Variants in EPHA10 observed in about 807,000 individuals in gnomAD.
The protein encoded by EPHA10 is ephrin type-A receptor 10.
In EPHA10, 120 loss-of-function variants were observed where a neutral mutation model predicts 109.7. The ratio of observed to expected loss-of-function variants is 1.09; its 90% CI spans 0.94 to 1.27. The LOEUF is 1.27. EPHA10 is among the 50% of genes most tolerant of loss of function. EPHA10 has a pLI of 0.00. For synonymous variants in EPHA10, 640 were observed against 618.9 expected (o/e 1.03, Z -0.51); for missense variants, 1,396 against 1,411.1 (o/e 0.99, Z 0.17).
At position 37,761,656 on chromosome 1, in the gene EPHA10, G is replaced by C; in HGVS notation, c.599C>G (p.Ala200Gly). 1 of 1,608,264 alleles carries C rather than the reference G, an allele frequency of 6.2e-7. No individual in the cohort carries two copies. The highest frequency in any genetic ancestry group is 8.5e-7 in the Non-Finnish European group (1 of 1,179,828). Reference protein sequence around the residue: ...LAFQDVGACVALVSVRVYYKQ... With the variant: ...LAFQDVGACVGLVSVRVYYKQ... ...GTAGTAGACGCGCACCGAGACAAGC[G>C]CCACGCATGCGCCCACGTCCTGAAA... The change falls in exon 3 of 17, where the codon GCG (alanine) becomes GGG (glycine). Residue 200 changes from alanine to glycine, a missense_variant. Physicochemically the swap from Ala to Gly is moderately conservative, Grantham distance 60. Coordinates refer to ENST00000373048, the MANE Select transcript of EPHA10 (RefSeq NM_001099439.2).
At chr1:37,736,684 G>A (rs1256539155) in intron 5 of EPHA10, among the ~76,000 whole-genome samples, 1 of 151,774 alleles carries the variant, frequency 6.6e-6, no homozygotes, top group Non-Finnish European at 1.5e-5. Context: ...CTCCAACCTG[G>A]GCAACAGAGC....
At chr1:37,715,668 G>A (rs776595036), downstream of EPHA10, among the ~76,000 whole-genome samples, 2 of 152,092 alleles carry the variant, frequency 1.3e-5, no homozygotes, top group Non-Finnish European at 2.9e-5. Context: ...TGCCCTCCCT[G>A]GTACTGTCTA....
intron 6 of EPHA10, among the ~76,000 whole-genome samples, chr1:37,732,139 C>T (rs1316075565): frequency 6.6e-6 from 1 of 152,218 alleles, no homozygotes; most frequent in Non-Finnish European, 1.5e-5. Context: ...CCCCAAGGCC[C>T]CAGCTGGAGC....
chr1:37,724,746 A>T (rs1645859054), intron 8 of EPHA10, among the ~76,000 whole-genome samples: 1 of 152,164 alleles, frequency 6.6e-6, no homozygotes, highest in African/African-American at 2.4e-5. Context: ...CACAGGGGGA[A>T]GCGGCCACCG....
At chr1:37,729,623 G>A (rs1645948473) in intron 7 of EPHA10, among the ~76,000 whole-genome samples, 1 of 151,970 alleles carries the variant, frequency 6.6e-6, no homozygotes, top group Non-Finnish European at 1.5e-5. Context: ...GCTCAAACCT[G>A]TGATCCCAGC....
Position 37,719,761 on chromosome 1 carries a change from G to A in EPHA10, c.2562+148C>T, listed in dbSNP as rs1344873941. ...ACACACACACACCCAAGGAAGCCTG[G>A]GGCAGTGGCCAGGCAGAACCAGAAG... On this transcript the variant is annotated intron_variant, in intron 14 of 16. Transcript: ENST00000373048. 5 of 1,458,126 alleles carry A rather than the reference G, an allele frequency of 3.4e-6. No individual in the cohort carries two copies. In the Admixed American group the frequency reaches 9.5e-5, roughly 28 times the overall value. 90.3% of individuals were successfully genotyped at this position (1,458,126 alleles called of 1,614,324 possible). A position where few individuals can be genotyped will look rare whatever the true frequency, so the allele number is the denominator to read the frequency against.
chr1:37,751,660 T>C (rs925326208), intron 5 of EPHA10, among the ~76,000 whole-genome samples: 1 of 151,046 alleles, frequency 6.6e-6, no homozygotes, highest in South Asian at 2.1e-4. Context: ...GATCATGAGG[T>C]TGAGAGTTGG....
chr1:37,735,314 G>T lies in EPHA10; in HGVS notation c.1434C>A (p.Ile478=), dbSNP rs760256486. ...CATTGGCCCCAGGGGCTCCGGCAGG[G>T]ATGGGCTCCCGCCACGACAGGGACA... is the stretch of plus-strand genomic sequence containing the variant. ...QSVSLSWREP[I]PAGAPGANDT... Residue 478 remains isoleucine, a synonymous_variant, in exon 6 of 17, where the codon ATC becomes ATA. Transcript: ENST00000373048. The T allele has an allele frequency of 1.3e-6, 2 of 1,561,228 alleles. No homozygotes were observed. Among genetic ancestry groups the T allele is most frequent in the Admixed American group, 3.9e-5 (2 of 51,840 alleles).
intron 12 of EPHA10, 31 bp from the exon 13 acceptor site, chr1:37,720,585 G>T: frequency 1.3e-6 from 2 of 1,588,440 alleles, no homozygotes; most frequent in Non-Finnish European, 1.7e-6. Context: ...GGCCAGGGCT[G>T]TGCGCTTGGA....
chr1:37,750,862 C>T (rs1317474817), intron 5 of EPHA10, among the ~76,000 whole-genome samples: 3 of 150,804 alleles, frequency 2.0e-5, no homozygotes, highest in Admixed American at 1.3e-4. Flanking sequence ...AAACTTTTCC[C>T]GGGAAAAAAA....
chr1:37,752,864 G>A lies in EPHA10; in HGVS notation c.1357+12C>T. On this transcript the variant is annotated intron_variant, in intron 5 of 16. Coordinates refer to ENST00000373048, the MANE Select transcript of EPHA10 (RefSeq NM_001099439.2). ...GCGGTGGCCTCGGGGTGGGGGGCGC[G>A]GACGGCCTTACCCCCGGGCCCGGTG... 1 of 1,259,430 alleles carries A rather than the reference G, an allele frequency of 7.9e-7. No homozygotes were observed. The highest frequency in any genetic ancestry group is 1.0e-6 in the Non-Finnish European group (1 of 1,002,344). The allele number at this position is 1,259,430 out of a possible 1,614,324, so 78.0% of individuals were successfully genotyped here. A position where few individuals can be genotyped will look rare whatever the true frequency, so the allele number is the denominator to read the frequency against.
At chr1:37,733,930 G>A (rs917321131) in intron 6 of EPHA10, among the ~76,000 whole-genome samples, 3 of 152,090 alleles carry the variant, frequency 2.0e-5, no homozygotes, top group Non-Finnish European at 2.9e-5. Flanking sequence ...TCATCACCTT[G>A]CTCCAAGCCT....
intron 5 of EPHA10, among the ~76,000 whole-genome samples, chr1:37,747,625 G>A (rs538700170): frequency 8.6e-5 from 13 of 150,326 alleles, no homozygotes; most frequent in Non-Finnish European, 1.0e-4. Context: ...AAATATAGCC[G>A]GGCATGCTGA....
At chr1:37,762,126 G>T in intron 2 of EPHA10, 43 bp from the exon 3 acceptor site, 1 of 1,523,348 alleles carries the variant, frequency 6.6e-7, no homozygotes, top group Non-Finnish European at 8.8e-7. Flanking sequence ...GAGCCAAAGT[G>T]CTTCCAGGAG....
chr1:37,718,711 G>A lies in EPHA10; in HGVS notation c.2862C>T (p.Phe954=), dbSNP rs767481892. The A allele has an allele frequency of 1.5e-5, 24 of 1,613,268 alleles. No individual in the cohort carries two copies. The East Asian group carries it at 1.8e-4, about 12-fold the overall frequency. Residue 954 remains phenylalanine (F), a synonymous_variant, in exon 16 of 17, where the codon TTC becomes TTT. Coordinates refer to ENST00000373048, the MANE Select transcript of EPHA10 (RefSeq NM_001099439.2). The stretch of plus-strand genomic sequence containing the variant: ...CCAGGCTCCCATAGCCAGCAGCCGC[G>A]AAGCTGTCCTTGTAGCGGCACAGGT... The part of the protein sequence containing the change: ...ALDLCRYKDS[F]AAAGYGSLEA...
In EPHA10 at chr1:37,717,083, T is replaced by G. The variant is rs952454996; in HGVS notation, c.*1289A>C. 1.2e-5 allele frequency: 2 copies of G among 170,892 alleles called. No homozygotes were observed. Among genetic ancestry groups the G allele is most frequent in the African/African-American group, 4.9e-5 (2 of 40,960 alleles). 10.6% of individuals were successfully genotyped at this position (170,892 alleles called of 1,614,324 possible). ...GAGCAGACAAGTGTCACGGGCGGCC[T>G]AAACAAACTCAGTCCCTGTGGCCCT... On this transcript the variant is annotated 3_prime_UTR_variant, in exon 17 of 17. Coordinates refer to ENST00000373048, the MANE Select transcript of EPHA10 (RefSeq NM_001099439.2).
chr1:37,727,082 GGCTGGGGCCA>G lies in EPHA10; in HGVS notation c.1772+10_1772+19del, dbSNP rs1233281017. 2.5e-6 allele frequency: 4 copies of G among 1,596,800 alleles called. No homozygotes were observed. The highest frequency in any genetic ancestry group is 2.7e-5 in the African/African-American group (2 of 74,600). On this transcript the variant is annotated intron_variant, in intron 8 of 16. Coordinates refer to ENST00000373048, the MANE Select transcript of EPHA10 (RefSeq NM_001099439.2). ...GACATGACCCACCAGGAGTCACCTA[GGCTGGGGCCA>G]GCCACCTACCTCCTCCAAATGGCCA...
At chr1:37,727,906 C>CCCAT (rs1168047644) in intron 7 of EPHA10, among the ~76,000 whole-genome samples, 1 of 152,188 alleles carries the variant, frequency 6.6e-6, no homozygotes, top group Non-Finnish European at 1.5e-5. Flanking sequence ...ATCCAATCAA[C>CCCAT]CCATCCATCC....
chr1:37,719,480 T>G lies in EPHA10; in HGVS notation c.2690A>C (p.His897Pro). ...CTGCACCATCTTGCTCAGGATGCTG[T>G]GGATCTGGGAGAACCTGGGCCGCTC... Reference protein sequence around the residue: ...PGERPRFSQIHSILSKMVQDP... With the variant: ...PGERPRFSQIPSILSKMVQDP... Residue 897 changes from histidine to proline, a missense_variant, in exon 15 of 17, where the codon CAC (histidine) becomes CCC (proline). By Grantham distance (77) the His-to-Pro change is moderately conservative. Transcript: ENST00000373048. 6.2e-7 allele frequency: 1 copy of G among 1,613,968 alleles called. No homozygotes were observed. Among genetic ancestry groups the G allele is most frequent in the Non-Finnish European group, 8.5e-7 (1 of 1,179,988 alleles).
Sources: gnomAD v4.1 joint callset for allele counts (sites outside exome capture counted in the v4.1 genomes callset) on GRCh38, gnomAD v4.1.1 for gene constraint, MANE v1.5 for transcripts, NCBI Gene and HGNC (gene_info 2026-07-23, HGNC 2026-07-21) for gene names.